UNC13B: variants seen among roughly 807,000 people sequenced by gnomAD.
UNC13B encodes the protein protein unc-13 homolog B.
Under a neutral mutation model 211.0 loss-of-function variants are expected in UNC13B, and 144 were observed. The ratio of observed to expected loss-of-function variants is 0.68; its 90% CI spans 0.60 to 0.78. UNC13B has a LOEUF of 0.78. UNC13B is among the 30% of genes least tolerant of loss of function. UNC13B has a pLI of 0.00. For missense variants in UNC13B, 1,777 were observed against 2,002.0 expected (o/e 0.89, Z 2.14); for synonymous variants, 709 against 725.8 (o/e 0.98, Z 0.37).
Position 35,300,903 on chromosome 9 carries a change from A to G in UNC13B, c.1499A>G (p.Asp500Gly), listed in dbSNP as rs1164951708. Residue 500 changes from aspartate to glycine, a missense_variant, in exon 9 of 40, where the codon GAT (aspartate) becomes GGT (glycine). Transcript: ENST00000635942. ...KKSHKQNSTL[D>G]AEQRTPGDQI... ...TCACATAAACAAAATAGTACTCTTG[A>G]TGCAGAACAGAGAACGCCTGGGGAT... is the stretch of plus-strand genomic sequence containing the variant. 2.0e-5 allele frequency: 8 copies of G among 399,016 alleles called. No homozygotes were observed. Among genetic ancestry groups the G allele is most frequent in the African/African-American group, 1.0e-4 (5 of 48,756 alleles). 24.7% of individuals were successfully genotyped at this position (399,016 alleles called of 1,614,324 possible).
In UNC13B at chr9:35,300,221, A is replaced by G. The variant is rs1043735990; in HGVS notation, c.817A>G (p.Asn273Asp). Reference protein sequence around the residue: ...DRRRKKKSLYNHFEDSERRQY... With the variant: ...DRRRKKKSLYDHFEDSERRQY... ...AAGAAGAAAAAAGAAATCCTTATAC[A>G]ATCATTTTGAAGACAGTGAAAGAAG... The change falls in exon 9 of 40, where the codon AAT becomes GAT. Residue 273 changes from asparagine to aspartate, a missense_variant. Transcript: ENST00000635942. The G allele has an allele frequency of 4.0e-5, 16 of 398,800 alleles. No individual in the cohort carries two copies. Among genetic ancestry groups the G allele is most frequent in the Admixed American group, 2.6e-4 (6 of 22,712 alleles). The allele number at this position is 398,800 out of a possible 1,614,324, so 24.7% of individuals were successfully genotyped here. A position where few individuals can be genotyped will look rare whatever the true frequency, so the allele number is the denominator to read the frequency against.
At chr9:35,272,894 G>A (rs974439652) in intron 7 of UNC13B, among the ~76,000 whole-genome samples, 1 of 152,174 alleles carries the variant, frequency 6.6e-6, no homozygotes, top group Admixed American at 6.5e-5. Flanking sequence ...AAAGCTTCTG[G>A]GGTCTATGTT....
Position 35,386,085 on chromosome 9 carries a change from T to C in UNC13B, c.10966-80T>C, listed in dbSNP as rs1835169566. 7 of 1,578,482 alleles carry C rather than the reference T, an allele frequency of 4.4e-6. No individual in the cohort carries two copies. In the South Asian group the frequency reaches 5.9e-5, roughly 13 times the overall value. ...CAGACAGGGATGAAAGAATCTAGAGTAGGTTTGGGGTAGTGCTAGGAGAAT... is the reference window on the plus strand; with the variant it reads ...CAGACAGGGATGAAAGAATCTAGAGCAGGTTTGGGGTAGTGCTAGGAGAAT... On this transcript the variant is annotated intron_variant, in intron 23 of 39. Coordinates refer to ENST00000635942, the MANE Select transcript of UNC13B (RefSeq NM_001371189.2).
At chr9:35,255,122 C>G (rs995672789) in intron 6 of UNC13B, among the ~76,000 whole-genome samples, 5 of 135,872 alleles carry the variant, frequency 3.7e-5, no homozygotes, top group Non-Finnish European at 7.7e-5. Context: ...TAGACAGATT[C>G]TTACTCTTTC....
At chr9:35,201,970 G>C (rs981081947) in intron 1 of UNC13B, among the ~76,000 whole-genome samples, 6 of 151,978 alleles carry the variant, frequency 3.9e-5, no homozygotes, top group African/African-American at 4.8e-5. Context: ...TCTCTTGTGG[G>C]CATTTAGTGC....
chr9:35,197,766 C>T (rs1222632348), intron 1 of UNC13B, among the ~76,000 whole-genome samples: 1 of 152,140 alleles, frequency 6.6e-6, no homozygotes, highest in African/African-American at 2.4e-5. Flanking sequence ...CCCACCTTCT[C>T]TCCCTCCTGC....
Position 35,268,252 on chromosome 9 carries a change from C to T in UNC13B, c.526+9202C>T, listed in dbSNP as rs145666769. Among the ~76,000 whole-genome samples the T allele has an allele frequency of 8.2e-4, 125 of 152,278 alleles. 1 individual carries two copies. Among genetic ancestry groups the T allele is most frequent in the African/African-American group, 2.9e-3 (121 of 41,574 alleles). On this transcript the variant is annotated intron_variant, in intron 7 of 39. Coordinates refer to ENST00000635942, the MANE Select transcript of UNC13B (RefSeq NM_001371189.2). ...CTCTCTTCACCAACAATTGCTCTCC[C>T]AAAGGTTGCTGGGTCCCACATTGAC...
chr9:35,383,822 A>G (rs1835008700), intron 21 of UNC13B, among the ~76,000 whole-genome samples: 1 of 152,146 alleles, frequency 6.6e-6, no homozygotes, highest in African/African-American at 2.4e-5. Flanking sequence ...CTGTGGCTGT[A>G]TAACTGTTAT....
In UNC13B at chr9:35,250,591, G is replaced by T. The variant is rs910406677; in HGVS notation, c.468+7227G>T. Among the ~76,000 whole-genome samples the T allele has an allele frequency of 1.3e-3, 200 of 152,148 alleles. 4 individuals are homozygous for T. The highest frequency in any genetic ancestry group is 0.013 in the Admixed American group (198 of 15,268). ...GGACAGTTGGGTTGTTTCTCTGCTT[G>T]TTAGCTGTTATGGATAATGCTGCTT... On this transcript the variant is annotated intron_variant, in intron 6 of 39. Coordinates refer to ENST00000635942, the MANE Select transcript of UNC13B (RefSeq NM_001371189.2).
intron 16 of UNC13B, 78 bp downstream of exon 16, chr9:35,377,773 G>A: frequency 7.0e-7 from 1 of 1,423,256 alleles, no homozygotes; most frequent in Non-Finnish European, 9.7e-7. Flanking sequence ...TCCTGAGCGT[G>A]AGGGAGCAAG....
chr9:35,328,669 TC>T (rs1315871682), intron 11 of UNC13B, among the ~76,000 whole-genome samples: 13 of 106,380 alleles, frequency 1.2e-4, no homozygotes, highest in African/African-American at 5.5e-4. Context: ...CCTTCCTCCC[TC>T]CCTTCCTTCC....
At chr9:35,228,130 A>C (rs1824965425) in intron 2 of UNC13B, 86 bp downstream of exon 2, 2 of 1,216,546 alleles carry the variant, frequency 1.6e-6, no homozygotes, top group South Asian at 2.9e-5. Flanking sequence ...TTCATTGATC[A>C]AATTCAGTAA....
In UNC13B at chr9:35,386,227, T is replaced by C; in HGVS notation, c.11028T>C (p.Cys3676=). 1 of 1,614,160 alleles carries C rather than the reference T, an allele frequency of 6.2e-7. No individual in the cohort carries two copies. Among genetic ancestry groups the C allele is most frequent in the Non-Finnish European group, 8.5e-7 (1 of 1,180,016 alleles). ...TGGTAAAGGATTGTGTGAAGGCCTGTTTGAACTCCACATATGAATATATCT... is the reference window on the plus strand; with the variant it reads ...TGGTAAAGGATTGTGTGAAGGCCTGCTTGAACTCCACATATGAATATATCT... ...SQVVKDCVKA[C]LNSTYEYIFN... is the part of the protein sequence containing the mutation. The change falls in exon 24 of 40, where the codon TGT becomes TGC. Residue 3676 remains cysteine (C), a synonymous_variant. Coordinates refer to ENST00000635942, the MANE Select transcript of UNC13B (RefSeq NM_001371189.2).
In UNC13B at chr9:35,303,298, T is replaced by C. The variant is rs1829774687; in HGVS notation, c.3894T>C (p.Ala1298=). 5.0e-6 allele frequency: 2 copies of C among 398,620 alleles called. No homozygotes were observed. The highest frequency in any genetic ancestry group is 2.1e-5 in the African/African-American group (1 of 48,752). 24.7% of individuals were successfully genotyped at this position (398,620 alleles called of 1,614,324 possible). The change falls in exon 9 of 40, where the codon GCT becomes GCC. Residue 1298 remains alanine (A), a synonymous_variant. Coordinates refer to ENST00000635942, the MANE Select transcript of UNC13B (RefSeq NM_001371189.2). ...TTGTACTTCACTGTGCTCCAAGTGC[T>C]CAGCTAGGTTTTTTGGAGAAATCTA... The part of the protein sequence containing the change: ...ENIVLHCAPS[A]QLGFLEKSMA...
At chr9:35,376,320 C>A in intron 15 of UNC13B, 73 bp downstream of exon 15, 1 of 1,455,102 alleles carries the variant, frequency 6.9e-7, no homozygotes, top group South Asian at 1.2e-5. Flanking sequence ...CAGCAAAGAG[C>A]TGGGATGGCT....
intron 7 of UNC13B, among the ~76,000 whole-genome samples, chr9:35,271,098 C>T (rs1161159701): frequency 6.9e-6 from 1 of 145,930 alleles, no homozygotes; most frequent in Non-Finnish European, 1.5e-5. Context: ...GAGATTGCGC[C>T]ACTGCACTCC....
intron 23 of UNC13B, 133 bp from the exon 24 acceptor site, chr9:35,386,032 T>A: frequency 6.8e-7 from 1 of 1,480,782 alleles, no homozygotes; most frequent in Non-Finnish European, 9.1e-7. Context: ...ATCCTGGCAA[T>A]TTCATCACAG....
intron 7 of UNC13B, among the ~76,000 whole-genome samples, chr9:35,269,902 A>AT (rs889608488): frequency 4.3e-4 from 63 of 148,122 alleles, no homozygotes; most frequent in African/African-American, 1.2e-3. Context: ...TGGACACATG[A>AT]TTTTTTTTTT....
intron 11 of UNC13B, among the ~76,000 whole-genome samples, chr9:35,355,715 A>G (rs899909616): frequency 6.6e-6 from 1 of 152,252 alleles, no homozygotes; most frequent in Non-Finnish European, 1.5e-5. Flanking sequence ...CACCTCTTCC[A>G]GGAAGCTTTC....
Sources: allele counts gnomAD v4.1 joint callset (sites outside exome capture counted in the v4.1 genomes callset), GRCh38; gene constraint gnomAD v4.1.1; transcripts MANE v1.5; gene names NCBI Gene and HGNC (gene_info 2026-07-23, HGNC 2026-07-21).